The following GALNTL6 variants were observed in gnomAD, a reference collection of about 807,000 sequenced individuals.
The protein encoded by GALNTL6 is polypeptide N-acetylgalactosaminyltransferase-like 6.
A neutral mutation model predicts 73.7 loss-of-function variants in GALNTL6; 46 were observed. That is an observed-to-expected ratio of 0.62 (90% CI 0.49 to 0.80). The LOEUF is 0.80. GALNTL6 is among the 30% of genes least tolerant of loss of function. The pLI is 0.00. For synonymous variants in GALNTL6, 259 were observed against 263.7 expected (o/e 0.98, Z 0.17); for missense variants, 604 against 755.0 (o/e 0.80, Z 2.34).
intron 5 of GALNTL6, among the ~76,000 whole-genome samples, chr4:172,440,404 T>G (rs1731786977): frequency 6.6e-6 from 1 of 152,256 alleles, no homozygotes; most frequent in Admixed American, 6.6e-5. Context: ...TACTATATGA[T>G]TCCAGCTATA....
chr4:172,869,463 C>T (rs138650341), intron 7 of GALNTL6, among the ~76,000 whole-genome samples: 1 of 152,232 alleles, frequency 6.6e-6, no homozygotes, highest in East Asian at 1.9e-4. Flanking sequence ...AAGGGCATGA[C>T]CTGATTCAGA....
intron 8 of GALNTL6, among the ~76,000 whole-genome samples, chr4:172,910,753 C>A (rs951279256): frequency 6.6e-6 from 1 of 152,136 alleles, no homozygotes; most frequent in African/African-American, 2.4e-5. Flanking sequence ...AGAGAATGAG[C>A]GATTTGTTGA....
intron 2 of GALNTL6, among the ~76,000 whole-genome samples, chr4:172,226,757 G>A (rs1736882154): frequency 6.6e-6 from 1 of 151,958 alleles, no homozygotes; most frequent in South Asian, 2.1e-4. Flanking sequence ...AATTTTGTTT[G>A]TTTTTCTGTT....
chr4:172,574,545 A>C (rs1278356404), intron 5 of GALNTL6, among the ~76,000 whole-genome samples: 1 of 151,760 alleles, frequency 6.6e-6, no homozygotes, highest in East Asian at 1.9e-4. Flanking sequence ...CAGACAAAAA[A>C]AGATCCTCTA....
intron 2 of GALNTL6, among the ~76,000 whole-genome samples, chr4:171,863,975 T>A (rs1735904467): frequency 6.6e-6 from 1 of 152,106 alleles, no homozygotes; most frequent in Non-Finnish European, 1.5e-5. Flanking sequence ...TTGGCCAGGC[T>A]GGTCTCGACC....
intron 2 of GALNTL6, among the ~76,000 whole-genome samples, chr4:171,922,755 T>C (rs1464412263): frequency 6.6e-6 from 1 of 152,160 alleles, no homozygotes; most frequent in East Asian, 1.9e-4. Context: ...TTTATAACTT[T>C]AGTATTTATT....
intron 5 of GALNTL6, among the ~76,000 whole-genome samples, chr4:172,695,952 CAA>C (rs956740891): frequency 7.1e-6 from 1 of 140,294 alleles, no homozygotes. Flanking sequence ...GACTCTGTCT[CAA>C]AAAAAAAAAG....
At chr4:172,207,265 T>C (rs1736168359) in intron 2 of GALNTL6, among the ~76,000 whole-genome samples, 1 of 152,144 alleles carries the variant, frequency 6.6e-6, no homozygotes, top group Non-Finnish European at 1.5e-5. Context: ...AAGTAAAATG[T>C]GCACAATCTG....
chr4:172,000,143 T>G (rs2110756773), intron 2 of GALNTL6, among the ~76,000 whole-genome samples: 1 of 152,268 alleles, frequency 6.6e-6, no homozygotes, highest in South Asian at 2.1e-4. Context: ...GAACTCAGTC[T>G]TCAGTACATT....
chr4:172,913,253 C>T (rs897178224), intron 8 of GALNTL6, among the ~76,000 whole-genome samples: 1 of 152,124 alleles, frequency 6.6e-6, no homozygotes, highest in African/African-American at 2.4e-5. Flanking sequence ...CATCAAAGAC[C>T]AAAGGTAGAT....
chr4:172,923,454 A>T (rs1324990935), intron 8 of GALNTL6, among the ~76,000 whole-genome samples: 1 of 152,070 alleles, frequency 6.6e-6, no homozygotes, highest in Non-Finnish European at 1.5e-5. Context: ...TGGGAGCTAC[A>T]ATTCAAGATG....
At chr4:172,369,386 C>T (rs1280604356) in intron 5 of GALNTL6, among the ~76,000 whole-genome samples, 1 of 152,244 alleles carries the variant, frequency 6.6e-6, no homozygotes, top group Admixed American at 6.5e-5. Context: ...TTCTCAAAGT[C>T]TCCACCCAAC....
At chr4:172,527,284 C>T (rs1365716754) in intron 5 of GALNTL6, among the ~76,000 whole-genome samples, 3 of 152,152 alleles carry the variant, frequency 2.0e-5, no homozygotes, top group African/African-American at 4.8e-5. Flanking sequence ...AGAGCCTTAC[C>T]CTTCATCTGA....
At chr4:172,233,719 T>C (rs919236786) in intron 3 of GALNTL6, among the ~76,000 whole-genome samples, 1 of 152,110 alleles carries the variant, frequency 6.6e-6, no homozygotes, top group Non-Finnish European at 1.5e-5. Flanking sequence ...GCTACATTCT[T>C]GCTCTTCTTT....
intron 2 of GALNTL6, among the ~76,000 whole-genome samples, chr4:172,129,574 T>C (rs1733398889): frequency 6.6e-6 from 1 of 152,130 alleles, no homozygotes. Flanking sequence ...GCCAAATCAT[T>C]TACAGATGCA....
intron 2 of GALNTL6, among the ~76,000 whole-genome samples, chr4:171,946,892 C>T (rs1738717496): frequency 1.5e-5 from 2 of 133,378 alleles, no homozygotes; most frequent in African/African-American, 5.3e-5. Flanking sequence ...CCGGTAAGGA[C>T]TCCATATGTT....
At chr4:172,292,680 A>G (rs1239421311) in intron 3 of GALNTL6, among the ~76,000 whole-genome samples, 1 of 152,166 alleles carries the variant, frequency 6.6e-6, no homozygotes, top group Non-Finnish European at 1.5e-5. Flanking sequence ...AACATAGCTG[A>G]AAGTAGAAAA....
At chr4:172,609,925 G>A (rs1738462380) in intron 5 of GALNTL6, among the ~76,000 whole-genome samples, 1 of 151,832 alleles carries the variant, frequency 6.6e-6, no homozygotes, top group South Asian at 2.1e-4. Context: ...AATCTTGGGA[G>A]GGTGAATGTG....
chr4:172,032,298 T>C (rs2110822748), intron 2 of GALNTL6, among the ~76,000 whole-genome samples: 1 of 152,222 alleles, frequency 6.6e-6, no homozygotes, highest in Non-Finnish European at 1.5e-5. Context: ...ATAGGTGTCA[T>C]AATTATCAAG....
Sources: gnomAD v4.1 joint callset for allele counts (sites outside exome capture counted in the v4.1 genomes callset) on GRCh38, gnomAD v4.1.1 for gene constraint, MANE v1.5 for transcripts, NCBI Gene and HGNC (gene_info 2026-07-23, HGNC 2026-07-21) for gene names.